Variants in ZZEF1 observed in about 807,000 individuals in gnomAD.
The protein encoded by ZZEF1 is zinc finger ZZ-type and EF-hand domain-containing protein 1.
A neutral mutation model predicts 342.8 loss-of-function variants in ZZEF1; 157 were observed. The observed-to-expected ratio is 0.46, with a 90% confidence interval of 0.40 to 0.52. The LOEUF (loss-of-function observed/expected upper bound fraction) is 0.52. Ranked by LOEUF, ZZEF1 falls within the 20% of genes least tolerant of loss-of-function variation. The probability of loss-of-function intolerance (pLI) is 0.00; values close to 1 mark genes in which losing one functional copy is unlikely to be tolerated. For synonymous variants in ZZEF1, 1,505 were observed against 1,429.1 expected (o/e 1.05, Z -1.20); for missense variants, 3,480 against 3,725.6 (o/e 0.93, Z 1.72).
intron 18 of ZZEF1, among the ~76,000 whole-genome samples, chr17:4,078,469 A>T (rs985745131): frequency 2.0e-5 from 3 of 152,136 alleles, no homozygotes; most frequent in Non-Finnish European, 4.4e-5. Flanking sequence ...GGGTTATCTG[A>T]CCTCCAGATA....
chr17:4,141,295 T>A (rs2058842278), intron 1 of ZZEF1, among the ~76,000 whole-genome samples: 1 of 152,234 alleles, frequency 6.6e-6, no homozygotes, highest in African/African-American at 2.4e-5. Context: ...ATTCTGGCCA[T>A]GTACAGGAAG....
chr17:4,099,941 C>G (rs904258253), intron 9 of ZZEF1, among the ~76,000 whole-genome samples: 9 of 151,954 alleles, frequency 5.9e-5, no homozygotes, highest in Non-Finnish European at 4.4e-5. Flanking sequence ...AATAACCAAT[C>G]AGATTTAAAG....
intron 51 of ZZEF1, 101 bp downstream of exon 51, chr17:4,013,989 C>T: frequency 8.8e-7 from 1 of 1,136,936 alleles, no homozygotes; most frequent in Non-Finnish European, 1.3e-6. Flanking sequence ...GAGACAAGTA[C>T]CTGCTTTGAT....
Position 4,006,829 on chromosome 17 carries a change from A to G in ZZEF1, c.*61T>C. The G allele has an allele frequency of 6.6e-7, 1 of 1,515,746 alleles. No individual in the cohort carries two copies. The highest frequency in any genetic ancestry group is 9.0e-7 in the Non-Finnish European group (1 of 1,113,938). The allele number at this position is 1,515,746 out of a possible 1,614,324, so 93.9% of individuals were successfully genotyped here. On this transcript the variant is annotated 3_prime_UTR_variant, in exon 55 of 55. Transcript: ENST00000381638. ...TACAGGAGTTTTCCTGAATGAGGTT[A>G]GATGTCTGCTCTAAAATCCCTGTGG...
rs777382472 is a variant in ZZEF1 at position 4,142,577 on chromosome 17, G to C, written c.319C>G (p.Arg107Gly). The C allele has an allele frequency of 1.6e-5, 26 of 1,603,410 alleles. No individual in the cohort carries two copies. The highest frequency in any genetic ancestry group is 1.7e-6 in the Non-Finnish European group (2 of 1,179,572). ...LEQFRELLEA[R>G]GAGCSSEQFE... ...TGCTCGCTAGAGCAGCCGGCGCCGC[G>C]AGCCTCCAGCAGCTCCCGGAACTGC... The change falls in exon 1 of 55, where the codon CGC becomes GGC. Residue 107 changes from arginine to glycine, a missense_variant. Arg to Gly is a moderately radical substitution (Grantham distance 125). Around this residue, in one of 5 missense-constraint regions of ZZEF1, gnomAD observed 416 missense variants for 374.2 expected, o/e 1.11. Transcript: ENST00000381638.
chr17:4,058,202 C>T, intron 31 of ZZEF1, 47 bp from the exon 32 acceptor site: 1 of 1,538,964 alleles, frequency 6.5e-7, no homozygotes, highest in Non-Finnish European at 8.8e-7. Context: ...TTACTCCCAA[C>T]AGAGGCAACA....
rs2055774462 is a variant in ZZEF1, at chr17:4,005,064, G to T, written c.*1826C>A. The T allele has an allele frequency of 6.6e-6, 1 of 152,422 alleles. No individual in the cohort carries two copies. Among genetic ancestry groups the T allele is most frequent in the Non-Finnish European group, 1.5e-5 (1 of 68,176 alleles). The allele number at this position is 152,422 out of a possible 1,614,324, so 9.4% of individuals were successfully genotyped here. A position where few individuals can be genotyped will look rare whatever the true frequency, so the allele number is the denominator to read the frequency against. ...TACTCGGAGTCTGGGGTGTGGAGGG[G>T]CGTGGGTGGCGCTATCTCGTCTACC... On this transcript the variant is annotated 3_prime_UTR_variant, in exon 55 of 55. Coordinates refer to ENST00000381638, the MANE Select transcript of ZZEF1 (RefSeq NM_015113.4).
intron 30 of ZZEF1, among the ~76,000 whole-genome samples, 173 bp from the exon 31 acceptor site, chr17:4,059,463 A>C (rs540418297): frequency 6.6e-6 from 1 of 151,376 alleles, no homozygotes; most frequent in South Asian, 2.1e-4. Context: ...CAAAACAGCA[A>C]GTGAGTCCCT....
Position 4,074,165 on chromosome 17 carries a change from G to A in ZZEF1, c.3670C>T (p.Leu1224Phe). The A allele has an allele frequency of 6.2e-7, 1 of 1,613,918 alleles. No homozygotes were observed. Among genetic ancestry groups the A allele is most frequent in the Non-Finnish European group, 8.5e-7 (1 of 1,179,908 alleles). The change falls in exon 24 of 55, where the codon CTC (leucine) becomes TTC (phenylalanine). Residue 1224 changes from leucine to phenylalanine, a missense_variant. Transcript: ENST00000381638. ...MGRLASQCMA[L>F]KSVRQLGSNM... is the part of the protein sequence containing the mutation. The stretch of plus-strand genomic sequence containing the variant: ...GTGCACTTACGGCGCACAGACTTGA[G>A]CGCCATGCACTGGGAAGCCAGGCGT...
At position 4,022,837 on chromosome 17, in the gene ZZEF1, CAGA is replaced by C. The variant is rs773755625; in HGVS notation, c.7093-12_7093-10del. 98 of 1,613,186 alleles carry C rather than the reference CAGA, an allele frequency of 6.1e-5. No individual in the cohort carries two copies. The highest frequency in any genetic ancestry group is 7.3e-5 in the Non-Finnish European group (86 of 1,179,690). On this transcript the variant is annotated splice_polypyrimidine_tract_variant and intron_variant, in intron 43 of 54. Transcript: ENST00000381638. ...TCCTCAAAACCGTGAGCCTGCCAAGCAGAAGAAGAATGATGTGTGACTGCCTTG... is the reference window on the plus strand; with the variant it reads ...TCCTCAAAACCGTGAGCCTGCCAAGCAGAAGAATGATGTGTGACTGCCTTG...
At chr17:4,040,047 G>C (rs1487664576) in intron 39 of ZZEF1, among the ~76,000 whole-genome samples, 1 of 152,118 alleles carries the variant, frequency 6.6e-6, no homozygotes, top group Non-Finnish European at 1.5e-5. Context: ...GTTAAAAAAA[G>C]AAAATATTTA....
chr17:4,098,154 C>A (rs2058069880), intron 9 of ZZEF1, among the ~76,000 whole-genome samples: 1 of 151,124 alleles, frequency 6.6e-6, no homozygotes, highest in Admixed American at 6.6e-5. Flanking sequence ...AGGAGAATCG[C>A]TTGAACCCGG....
intron 39 of ZZEF1, among the ~76,000 whole-genome samples, chr17:4,039,673 TCA>T (rs1322661127): frequency 5.7e-5 from 8 of 139,472 alleles, no homozygotes; most frequent in Non-Finnish European, 1.2e-4. Context: ...AGACAGAGTC[TCA>T]CTCTGTCGCC....
Position 4,088,809 on chromosome 17 carries a change from G to A in ZZEF1, c.2110C>T (p.Arg704Trp), listed in dbSNP as rs774909007. Residue 704 changes from arginine (R) to tryptophan (W), a missense_variant, in exon 13 of 55, where the codon CGG (arginine) becomes TGG (tryptophan). By Grantham distance (101) the Arg-to-Trp change is moderately radical. This residue lies in a region of ZZEF1 where 1,528 missense variants were observed against 1,624.1 expected (regional missense o/e 0.94). Coordinates refer to ENST00000381638, the MANE Select transcript of ZZEF1 (RefSeq NM_015113.4). ...VQGLTISGYL[R>W]PARAEAEQSV... ...TGTTCTGCTTCTGCTCTTGCAGGCC[G>A]GAGGTACCCACTGATGGTCAAGCCT... 9 of 1,613,998 alleles carry A rather than the reference G, an allele frequency of 5.6e-6. No homozygotes were observed. Among genetic ancestry groups the A allele is most frequent in the East Asian group, 2.2e-5 (1 of 44,890 alleles).
intron 1 of ZZEF1, among the ~76,000 whole-genome samples, chr17:4,141,197 C>T (rs1226338005): frequency 1.3e-5 from 2 of 152,262 alleles, no homozygotes; most frequent in African/African-American, 4.8e-5. Context: ...GCGTGAGCCA[C>T]TGCGCCCAGC....
chr17:4,103,766 A>G lies in ZZEF1; in HGVS notation c.1573+867T>C, dbSNP rs372519332. Among the ~76,000 whole-genome samples the G allele has an allele frequency of 4.6e-5, 7 of 152,166 alleles. No homozygotes were observed. The South Asian group carries it at 1.5e-3, about 32-fold the overall frequency. On this transcript the variant is annotated intron_variant, in intron 8 of 54. Transcript: ENST00000381638. ...GACCCAATCTCTACAAAAAATTTTT[A>G]AAAATTAACCAGGTATGCTGGCATG...
intron 13 of ZZEF1, 119 bp downstream of exon 13, chr17:4,088,559 A>G (rs2145371103): frequency 9.4e-7 from 1 of 1,065,264 alleles, no homozygotes; most frequent in South Asian, 1.5e-5. Flanking sequence ...CTGCAGCAGT[A>G]CAATGCCCAT....
intron 24 of ZZEF1, 86 bp from the exon 25 acceptor site, chr17:4,072,842 A>T (rs1012305921): frequency 2.9e-6 from 4 of 1,371,160 alleles, no homozygotes; most frequent in Non-Finnish European, 4.0e-6. Flanking sequence ...AGGTTAAAAA[A>T]AACCATGGAT....
At position 4,081,417 on chromosome 17, in the gene ZZEF1, G is replaced by T. The variant is rs2057721860; in HGVS notation, c.2788C>A (p.Leu930Met). 1.2e-6 allele frequency: 2 copies of T among 1,613,868 alleles called. No homozygotes were observed. Among genetic ancestry groups the T allele is most frequent in the African/African-American group, 2.7e-5 (2 of 74,918 alleles). ...GAGACGAGAGTGTCCATGACCGCCAGGACTTCACTGATGTTCATCTTGGCC... is the reference window on the plus strand; with the variant it reads ...GAGACGAGAGTGTCCATGACCGCCATGACTTCACTGATGTTCATCTTGGCC... ...DLAKMNISEV[L>M]AVMDTLVSVA... Residue 930 changes from leucine (L) to methionine (M), a missense_variant, in exon 18 of 55, where the codon CTG (leucine) becomes ATG (methionine). Around this residue, in one of 5 missense-constraint regions of ZZEF1, gnomAD observed 1,528 missense variants for 1,624.1 expected, o/e 0.94. Coordinates refer to ENST00000381638, the MANE Select transcript of ZZEF1 (RefSeq NM_015113.4).
Sources: allele counts gnomAD v4.1 joint callset (sites outside exome capture counted in the v4.1 genomes callset), GRCh38; gene constraint gnomAD v4.1.1; regional missense constraint gnomAD v4.1.1; transcripts MANE v1.5; gene names NCBI Gene and HGNC (gene_info 2026-07-23, HGNC 2026-07-21).